Variants in NAA38 observed in about 807,000 individuals in gnomAD.
The protein encoded by NAA38 is LSM domain containing 1.
Under a neutral mutation model 12.6 loss-of-function variants are expected in NAA38, and 15 were observed. The observed-to-expected ratio is 1.19, with a 90% CI of 0.79 to 1.83. NAA38 has a LOEUF of 1.83. Ranked by LOEUF, NAA38 falls within the 40% of genes most tolerant of loss-of-function variation. NAA38 has a pLI of 0.00. For missense variants in NAA38, 183 were observed against 171.7 expected (o/e 1.07, Z -0.37); for synonymous variants, 88 against 69.9 (o/e 1.26, Z -1.29).
At chr17:7,884,731 G>GGCGGCCGAC in intron 1 of NAA38, 4 of 361,120 alleles carry the variant, frequency 1.1e-5, no homozygotes, top group Non-Finnish European at 9.8e-6. Flanking sequence ...AGGAGGAGGA[G>GGCGGCCGAC]GAGGTGGTGG....
intron 2 of NAA38, among the ~76,000 whole-genome samples, chr17:7,878,540 G>T (rs1396943445): frequency 6.6e-6 from 1 of 152,080 alleles, no homozygotes; most frequent in Non-Finnish European, 1.5e-5. Flanking sequence ...TGGCCAACAT[G>T]GTAAAACCCC....
intron 1 of NAA38, chr17:7,884,908 G>T: frequency 7.1e-7 from 1 of 1,417,346 alleles, no homozygotes; most frequent in Non-Finnish European, 9.3e-7. Flanking sequence ...AGGAGGAGGA[G>T]GAGGTGGAGG....
intron 3 of NAA38, chr17:7,863,272 C>T (rs1489264699): frequency 6.6e-6 from 1 of 152,038 alleles, no homozygotes; most frequent in Non-Finnish European, 1.5e-5. Context: ...AGCCTAAAAC[C>T]CAGAAAGCAA....
upstream of NAA38, chr17:7,858,697 C>T (rs868214750): frequency 6.2e-7 from 1 of 1,611,062 alleles, no homozygotes; most frequent in African/African-American, 1.3e-5. Context: ...CTGCCCTGTT[C>T]GGACTGGGCC....
At chr17:7,863,177 T>C (rs921428866) in intron 3 of NAA38, 1 of 152,000 alleles carries the variant, frequency 6.6e-6, no homozygotes, top group Non-Finnish European at 1.5e-5. Flanking sequence ...TATTAATACT[T>C]AAAAAAAATC....
At chr17:7,864,581 G>T (rs1966930210) in intron 3 of NAA38, 1 of 152,172 alleles carries the variant, frequency 6.6e-6, no homozygotes, top group Non-Finnish European at 1.5e-5. Context: ...ATAAGTATGA[G>T]TCACCGTGCC....
In NAA38 at chr17:7,882,659, A is replaced by C. The variant is rs11078712; in HGVS notation, c.-66+576T>G. 7.9e-5 allele frequency among the ~76,000 whole-genome samples: 12 copies of C among 152,040 alleles called. No homozygotes were observed. In the East Asian group the frequency reaches 2.3e-3, roughly 29 times the overall value. On this transcript the variant is annotated intron_variant, in intron 2 of 4. Coordinates refer to the NAA38 transcript ENST00000576861. ...TTAGTACAGAAATGATGTGGGAACC[A>C]AAGCAAGAGAATTCCAAAGGCCAGG...
chr17:7,859,236 T>C (rs2078863411), upstream of NAA38: 1 of 649,784 alleles, frequency 1.5e-6, no homozygotes, highest in East Asian at 2.7e-5. Flanking sequence ...GGTCTGCTCA[T>C]TGCATGCTGG....
intron 1 of NAA38, chr17:7,884,805 G>A: frequency 1.4e-6 from 1 of 697,050 alleles, no homozygotes; most frequent in East Asian, 3.6e-5. Context: ...CAGAGCCACA[G>A]GATGGCTTCC....
chr17:7,872,545 T>A (rs1967104313), intron 2 of NAA38, among the ~76,000 whole-genome samples: 1 of 152,208 alleles, frequency 6.6e-6, no homozygotes, highest in South Asian at 2.1e-4. Flanking sequence ...GTATTTTTAA[T>A]AGAGACGGGG....
At chr17:7,883,360 A>C (rs962602492) in intron 1 of NAA38, 7 of 152,146 alleles carry the variant, frequency 4.6e-5, no homozygotes, top group African/African-American at 1.4e-4. Flanking sequence ...AAGAGAACAT[A>C]ATTTCACGAT....
chr17:7,884,775 T>TG (rs1456011310), intron 1 of NAA38: 13 of 95,656 alleles, frequency 1.4e-4, no homozygotes, highest in Non-Finnish European at 2.0e-4. Flanking sequence ...GGGCGGTGGG[T>TG]GGGGGGGTGG....
At chr17:7,881,177 GAGA>G (rs1375371572) in intron 2 of NAA38, among the ~76,000 whole-genome samples, 1 of 152,180 alleles carries the variant, frequency 6.6e-6, no homozygotes, top group Non-Finnish European at 1.5e-5. Context: ...GGGACTAGGG[GAGA>G]AGGATGGGAG....
At chr17:7,883,646 TAAAG>T (rs1335555516) in intron 1 of NAA38, among the ~76,000 whole-genome samples, 1 of 152,186 alleles carries the variant, frequency 6.6e-6, no homozygotes, top group Non-Finnish European at 1.5e-5. Context: ...TCACTTTTTT[TAAAG>T]AAAGCAGAAA....
At chr17:7,875,800 A>G (rs1245268520) in intron 2 of NAA38, among the ~76,000 whole-genome samples, 1 of 152,212 alleles carries the variant, frequency 6.6e-6, no homozygotes, top group Non-Finnish European at 1.5e-5. Context: ...ATCCATTAGC[A>G]GTCCCTCCCA....
chr17:7,866,588 G>A lies in NAA38; in HGVS notation c.-65-30C>T, dbSNP rs1395050143. The stretch of plus-strand genomic sequence containing the variant: ...AATGCCCCCCAAGCTTTGCATCAGA[G>A]CCTTCCTACATGCTGTTCCTCTGTG... On this transcript the variant is annotated intron_variant, in intron 2 of 4. Transcript: ENST00000576861. 9.3e-6 allele frequency: 10 copies of A among 1,080,980 alleles called. No individual in the cohort carries two copies. The South Asian group carries it at 3.3e-4, about 35-fold the overall frequency. 67.0% of individuals were successfully genotyped at this position (1,080,980 alleles called of 1,614,324 possible).
chr17:7,864,904 A>G (rs1966937181), intron 3 of NAA38: 1 of 152,114 alleles, frequency 6.6e-6, no homozygotes, highest in Admixed American at 6.6e-5. Flanking sequence ...CAAAAAAAAA[A>G]AAAAAAATTA....
upstream of NAA38, chr17:7,857,776 G>C (rs2078841542): frequency 1.6e-6 from 2 of 1,285,966 alleles, no homozygotes; most frequent in Non-Finnish European, 2.0e-6. Context: ...TTGTTTTTCT[G>C]TCTCAGAGAG....
chr17:7,871,740 C>T (rs374915193), intron 2 of NAA38, among the ~76,000 whole-genome samples: 21 of 152,124 alleles, frequency 1.4e-4, no homozygotes, highest in African/African-American at 4.1e-4. Flanking sequence ...TTGCAACCTC[C>T]GCCTCCCGAG....
Sources: gnomAD v4.1 joint callset for allele counts (sites outside exome capture counted in the v4.1 genomes callset) on GRCh38, gnomAD v4.1.1 for gene constraint, MANE v1.5 for transcripts, NCBI Gene and HGNC (gene_info 2026-07-23, HGNC 2026-07-21) for gene names.